The following NTN1 variants were observed in gnomAD, a reference collection of about 807,000 sequenced individuals.
The protein encoded by NTN1 is netrin-1.
A neutral mutation model predicts 54.2 loss-of-function variants in NTN1; 11 were observed. The observed-to-expected ratio is 0.20, with a 90% CI of 0.13 to 0.34. The LOEUF is 0.34. Ranked by LOEUF, NTN1 falls within the 10% of genes least tolerant of loss-of-function variation. The probability of loss-of-function intolerance (pLI) is 1.00; values close to 1 mark genes in which losing one functional copy is unlikely to be tolerated. For missense variants in NTN1, 740 were observed against 893.1 expected (o/e 0.83, Z 2.18); for synonymous variants, 371 against 382.0 (o/e 0.97, Z 0.33).
Position 9,056,752 on chromosome 17 carries a change from T to G in NTN1, c.1018+33361T>G, listed in dbSNP as rs547049207. 1.5e-3 allele frequency among the ~76,000 whole-genome samples: 228 copies of G among 152,288 alleles called. 2 individuals are homozygous for G. The highest frequency in any genetic ancestry group is 5.4e-3 in the African/African-American group (224 of 41,558). On this transcript the variant is annotated intron_variant, in intron 2 of 6. Coordinates refer to ENST00000173229, the MANE Select transcript of NTN1 (RefSeq NM_004822.3). ...AAACGTGCCCTGGAGTGTGATGGCC[T>G]GGGTAGTGATGTGAGCACTTAACCC...
Position 9,219,797 on chromosome 17 carries a change from C to T in NTN1, c.1412-1371C>T, listed in dbSNP as rs761278979. Reference sequence around the variant, plus strand: ...TTGTTTTCCCCTCTGCGGGATAGGACGCTGCCACCTGCCCCTGGAGCAGCC... The same window carrying T: ...TTGTTTTCCCCTCTGCGGGATAGGATGCTGCCACCTGCCCCTGGAGCAGCC... On this transcript the variant is annotated intron_variant, in intron 5 of 6. Transcript: ENST00000173229. This position sits in a 1 kb window ranked among gnomAD's most constrained non-coding sequence, Gnocchi z 4.5. Among the ~76,000 whole-genome samples, 10 of 152,232 alleles carry T rather than the reference C, an allele frequency of 6.6e-5. No homozygotes were observed. In the South Asian group the frequency reaches 8.3e-4, roughly 13 times the overall value.
At chr17:9,022,060 C>A (rs2091850795) in intron 1 of NTN1, among the ~76,000 whole-genome samples, 1 of 151,662 alleles carries the variant, frequency 6.6e-6, no homozygotes, top group Non-Finnish European at 1.5e-5. Flanking sequence ...GCCCCTCGGG[C>A]GGCGTGGGGG....
At chr17:9,191,744 A>G (rs1239026408) in intron 5 of NTN1, among the ~76,000 whole-genome samples, 2 of 151,710 alleles carry the variant, frequency 1.3e-5, no homozygotes, top group East Asian at 1.9e-4. Context: ...AAAGCTTATT[A>G]GGGATGGAGC....
At chr17:9,152,293 T>A (rs1260747963) in intron 2 of NTN1, among the ~76,000 whole-genome samples, 1 of 152,126 alleles carries the variant, frequency 6.6e-6, no homozygotes, top group Non-Finnish European at 1.5e-5. Context: ...TAAATCCCCC[T>A]GCTGTGCCAC....
intron 6 of NTN1, among the ~76,000 whole-genome samples, chr17:9,225,226 G>A (rs66915323): frequency 0.21 from 31,166 of 151,896 alleles, 3,493 homozygotes; most frequent in Non-Finnish European, 0.24. Context: ...TTGCACTCCA[G>A]CCTGAGCAAC....
intron 3 of NTN1, among the ~76,000 whole-genome samples, chr17:9,164,242 T>G (rs2092367434): frequency 1.3e-5 from 2 of 152,218 alleles, no homozygotes; most frequent in Admixed American, 1.3e-4. Context: ...CTGCCTAACA[T>G]GGTGAAACCC....
At chr17:9,019,799 A>G (rs567920602), upstream of NTN1, among the ~76,000 whole-genome samples, 5 of 152,320 alleles carry the variant, frequency 3.3e-5, no homozygotes, top group East Asian at 9.6e-4. Flanking sequence ...ATGGTTAACC[A>G]TTTCATTTAT....
chr17:9,167,518 C>T (rs2092376573), intron 3 of NTN1, among the ~76,000 whole-genome samples: 1 of 152,178 alleles, frequency 6.6e-6, no homozygotes, highest in African/African-American at 2.4e-5. Flanking sequence ...CTTGCATTTC[C>T]ATCTCACTGA....
At chr17:9,105,345 G>C (rs968482854) in intron 2 of NTN1, among the ~76,000 whole-genome samples, 1 of 152,118 alleles carries the variant, frequency 6.6e-6, no homozygotes, top group African/African-American at 2.4e-5. Context: ...TCACCTCTCC[G>C]GGCCTTTTCT....
At chr17:9,150,994 C>A (rs1215149228) in intron 2 of NTN1, among the ~76,000 whole-genome samples, 1 of 152,116 alleles carries the variant, frequency 6.6e-6, no homozygotes, top group Non-Finnish European at 1.5e-5. Flanking sequence ...CCACGAAATG[C>A]CCTCTCCGGT....
intron 2 of NTN1, among the ~76,000 whole-genome samples, chr17:9,128,309 CAAAAAA>C (rs11356490): frequency 1.6e-5 from 2 of 124,084 alleles, no homozygotes; most frequent in African/African-American, 3.0e-5. Flanking sequence ...GACTCTGTCT[CAAAAAA>C]AAAAAAAAAA....
At chr17:9,081,326 T>C (rs2092070381) in intron 2 of NTN1, among the ~76,000 whole-genome samples, 1 of 152,234 alleles carries the variant, frequency 6.6e-6, no homozygotes, top group Non-Finnish European at 1.5e-5. Flanking sequence ...TCTTAATGAC[T>C]GAAACGTACT....
intron 5 of NTN1, among the ~76,000 whole-genome samples, chr17:9,195,112 C>T (rs1443643680): frequency 1.3e-5 from 2 of 152,156 alleles, no homozygotes; most frequent in Non-Finnish European, 2.9e-5. Flanking sequence ...CGTCCTTTTC[C>T]CCTCTTTCTC....
intron 2 of NTN1, among the ~76,000 whole-genome samples, chr17:9,137,364 G>C (rs1007403847): frequency 6.6e-6 from 1 of 152,178 alleles, no homozygotes; most frequent in Non-Finnish European, 1.5e-5. Flanking sequence ...TTTGATTCCT[G>C]AGGTGTCCCC....
chr17:9,213,969 CTTTCT>C (rs1476592741), intron 5 of NTN1, among the ~76,000 whole-genome samples: 1 of 150,658 alleles, frequency 6.6e-6, no homozygotes, highest in Non-Finnish European at 1.5e-5. Context: ...GTTCCGTTTT[CTTTCT>C]TTTATTTGTA....
chr17:9,225,499 CTCTGAG>C (rs968100898), intron 6 of NTN1, among the ~76,000 whole-genome samples: 16 of 152,250 alleles, frequency 1.1e-4, no homozygotes, highest in African/African-American at 3.6e-4. Context: ...CCACGGGTTT[CTCTGAG>C]GCTGAGGCAA....
At chr17:9,185,461 A>T (rs1271570269) in intron 5 of NTN1, among the ~76,000 whole-genome samples, 1 of 152,258 alleles carries the variant, frequency 6.6e-6, no homozygotes, top group East Asian at 1.9e-4. Flanking sequence ...CTGAAAGCTG[A>T]TGGACATAAC....
the NTN1 span, among the ~76,000 whole-genome samples, chr17:9,011,895 G>C: frequency 1.0e-3 from 156 of 152,080 alleles, no homozygotes; most frequent in African/African-American, 3.3e-3. Context: ...GCCCTGGGGG[G>C]CTTTTTTAGC....
intron 6 of NTN1, among the ~76,000 whole-genome samples, chr17:9,231,382 C>T (rs1905805692): frequency 1.3e-5 from 2 of 152,222 alleles, no homozygotes; most frequent in Non-Finnish European, 2.9e-5. Flanking sequence ...GTTCATCCGG[C>T]AGCGCTCAGC....
Sources: allele counts gnomAD v4.1 joint callset (sites outside exome capture counted in the v4.1 genomes callset), GRCh38; gene constraint gnomAD v4.1.1; non-coding constraint Gnocchi (gnomAD v3.1); transcripts MANE v1.5; gene names NCBI Gene and HGNC (gene_info 2026-07-23, HGNC 2026-07-21).